Variants in SLCO3A1 observed in about 807,000 individuals in gnomAD.
The protein encoded by SLCO3A1 is PGE1 transporter.
In SLCO3A1, 27 loss-of-function variants were observed where a neutral mutation model predicts 63.1. That is an observed-to-expected ratio of 0.43 (90% CI 0.32 to 0.59). SLCO3A1 has a LOEUF of 0.59. Among genes scored for constraint, SLCO3A1 ranks in the 20% least tolerant of loss-of-function variants. The probability of loss-of-function intolerance (pLI) is 0.09; values close to 1 mark genes in which losing one functional copy is unlikely to be tolerated. For synonymous variants in SLCO3A1, 473 were observed against 409.9 expected (o/e 1.15, Z -1.86); for missense variants, 773 against 945.8 (o/e 0.82, Z 2.40).
At chr15:92,144,445 A>C (rs534664373) in intron 7 of SLCO3A1, among the ~76,000 whole-genome samples, 2 of 152,290 alleles carry the variant, frequency 1.3e-5, no homozygotes, top group South Asian at 2.1e-4. Flanking sequence ...TGTCTTCTAG[A>C]TTGATGATAG....
At chr15:91,926,879 G>T (rs1695053894) in intron 2 of SLCO3A1, among the ~76,000 whole-genome samples, 1 of 152,026 alleles carries the variant, frequency 6.6e-6, no homozygotes, top group Admixed American at 6.6e-5. Context: ...ATTGAATGAG[G>T]TTCATGACCC....
At chr15:91,891,283 A>G (rs928158858) in intron 1 of SLCO3A1, among the ~76,000 whole-genome samples, 2 of 152,214 alleles carry the variant, frequency 1.3e-5, no homozygotes, top group Non-Finnish European at 2.9e-5. Context: ...AGCTCCATTT[A>G]GGACTACCTT....
chr15:91,935,819 G>GT lies in SLCO3A1; in HGVS notation c.646+19370dup, dbSNP rs144229201. On this transcript the variant is annotated intron_variant, in intron 2 of 9. Transcript: ENST00000318445. ...TCTCACTGGGCCTCTTCTTGGAGTTGTTTTTTTTTCTGTTTAACCAATCTC... is the reference window on the plus strand; with the variant it reads ...TCTCACTGGGCCTCTTCTTGGAGTTGTTTTTTTTTTCTGTTTAACCAATCTC... 1.6e-3 allele frequency among the ~76,000 whole-genome samples: 239 copies of GT among 150,838 alleles called. 1 individual carries two copies. The highest frequency in any genetic ancestry group is 4.9e-3 in the African/African-American group (201 of 41,072).
chr15:91,930,152 T>G (rs1899173971), intron 2 of SLCO3A1, among the ~76,000 whole-genome samples: 2 of 152,212 alleles, frequency 1.3e-5, no homozygotes. Flanking sequence ...TCTCTCTTCC[T>G]GCATTTAAAA....
intron 2 of SLCO3A1, among the ~76,000 whole-genome samples, chr15:92,051,603 GTT>G (rs1264128575): frequency 1.3e-5 from 2 of 152,138 alleles, no homozygotes; most frequent in African/African-American, 2.4e-5. Flanking sequence ...AGGAGCTTCA[GTT>G]TGGAGTACGA....
At chr15:92,120,863 C>T (rs1596119070) in intron 5 of SLCO3A1, among the ~76,000 whole-genome samples, 1 of 152,070 alleles carries the variant, frequency 6.6e-6, no homozygotes, top group Non-Finnish European at 1.5e-5. Context: ...ATAAAATGTA[C>T]ATTTGAGAGG....
Position 91,853,930 on chromosome 15 carries a change from G to A in SLCO3A1, c.22G>A (p.Gly8Ser). 2 of 1,454,316 alleles carry A rather than the reference G, an allele frequency of 1.4e-6. No individual in the cohort carries two copies. The highest frequency in any genetic ancestry group is 1.8e-6 in the Non-Finnish European group (2 of 1,095,246). 90.1% of individuals were successfully genotyped at this position (1,454,316 alleles called of 1,614,324 possible). A position where few individuals can be genotyped will look rare whatever the true frequency, so the allele number is the denominator to read the frequency against. Residue 8 changes from glycine to serine, a missense_variant, in exon 1 of 10, where the codon GGT (glycine) becomes AGT (serine). Physicochemically the swap from Gly to Ser is moderately conservative, Grantham distance 56 (BLOSUM62 0). This residue lies in a region of SLCO3A1 where 69 missense variants were observed against 64.6 expected (regional missense o/e 1.07). Transcript: ENST00000318445. MQGKKPG[G>S]SSGGGRSGEL... Reference sequence around the variant, plus strand: ...AAGGATGCAGGGGAAGAAGCCGGGCGGTTCGTCGGGCGGCGGCCGGAGCGG... The same window carrying A: ...AAGGATGCAGGGGAAGAAGCCGGGCAGTTCGTCGGGCGGCGGCCGGAGCGG...
intron 2 of SLCO3A1, among the ~76,000 whole-genome samples, chr15:91,990,073 C>G (rs1470161141): frequency 6.6e-6 from 1 of 152,110 alleles, no homozygotes; most frequent in Admixed American, 6.6e-5. Context: ...CTTCGCATAC[C>G]ATAGATTTTT....
Position 92,172,094 on chromosome 15 carries a change from G to A in SLCO3A1, c.*232G>A, listed in dbSNP as rs148683712. Reference sequence around the variant, plus strand: ...GCTCTCAGAGTAGGCATCTTTCCTGGGTCTCTAAAGAGTCATGCTGACCTG... The same window carrying A: ...GCTCTCAGAGTAGGCATCTTTCCTGAGTCTCTAAAGAGTCATGCTGACCTG... On this transcript the variant is annotated 3_prime_UTR_variant, in exon 11 of 11. Coordinates refer to the SLCO3A1 transcript ENST00000424469. The A allele has an allele frequency of 2.3e-4, 108 of 473,754 alleles. 2 individuals carry two copies. The highest frequency in any genetic ancestry group is 1.8e-3 in the African/African-American group (94 of 51,222). The allele number at this position is 473,754 out of a possible 1,614,324, so 29.3% of individuals were successfully genotyped here.
At chr15:92,101,181 T>G (rs2047600687) in intron 3 of SLCO3A1, among the ~76,000 whole-genome samples, 1 of 152,056 alleles carries the variant, frequency 6.6e-6, no homozygotes, top group South Asian at 2.1e-4. Context: ...GGAGGGAGAT[T>G]TTTCACCAAA....
intron 1 of SLCO3A1, among the ~76,000 whole-genome samples, chr15:91,874,320 G>A (rs1897347284): frequency 6.6e-6 from 1 of 152,122 alleles, no homozygotes; most frequent in African/African-American, 2.4e-5. Flanking sequence ...CCTACATTAA[G>A]TATATTCACA....
intron 2 of SLCO3A1, among the ~76,000 whole-genome samples, chr15:91,985,707 T>C (rs1403055816): frequency 6.6e-6 from 1 of 152,188 alleles, no homozygotes; most frequent in Non-Finnish European, 1.5e-5. Flanking sequence ...CAGAGGGCCC[T>C]GCACTAGTGC....
chr15:91,957,651 T>C (rs1900288826), intron 2 of SLCO3A1, among the ~76,000 whole-genome samples: 2 of 152,316 alleles, frequency 1.3e-5, no homozygotes, highest in Non-Finnish European at 1.5e-5. Context: ...TTTGCTCAGA[T>C]ACTACCTTAT....
chr15:91,868,983 A>G (rs1040180857), intron 1 of SLCO3A1, among the ~76,000 whole-genome samples: 12 of 152,226 alleles, frequency 7.9e-5, no homozygotes, highest in African/African-American at 2.9e-4. Flanking sequence ...AAAAGTTTAT[A>G]TAAAAATGTT....
chr15:91,909,287 C>T (rs1022267057), intron 1 of SLCO3A1, among the ~76,000 whole-genome samples: 1 of 152,118 alleles, frequency 6.6e-6, no homozygotes, highest in African/African-American at 2.4e-5. Context: ...TGGCCTGCTG[C>T]CTGTTTTTGT....
intron 9 of SLCO3A1, among the ~76,000 whole-genome samples, chr15:92,156,883 C>A (rs1309504047): frequency 6.6e-6 from 1 of 152,140 alleles, no homozygotes; most frequent in Non-Finnish European, 1.5e-5. Flanking sequence ...CTTACAAAAG[C>A]CTTTCAGTTC....
chr15:92,036,160 T>C (rs894069364), intron 2 of SLCO3A1, among the ~76,000 whole-genome samples: 5 of 152,198 alleles, frequency 3.3e-5, no homozygotes, highest in Non-Finnish European at 7.3e-5. Flanking sequence ...TGTCTGACAA[T>C]CCTTCTAGCC....
chr15:92,138,413 C>T (rs1381512548), intron 7 of SLCO3A1, among the ~76,000 whole-genome samples: 2 of 109,104 alleles, frequency 1.8e-5, no homozygotes, highest in Admixed American at 1.0e-4. Context: ...TAGTGTGATG[C>T]CTCCAGCTTT....
chr15:91,918,510 G>T (rs965853083), intron 2 of SLCO3A1, among the ~76,000 whole-genome samples: 12 of 152,110 alleles, frequency 7.9e-5, no homozygotes, highest in African/African-American at 2.7e-4. Context: ...TGTGTTTATC[G>T]GGATCAGGAG....
Sources: allele counts gnomAD v4.1 joint callset (sites outside exome capture counted in the v4.1 genomes callset), GRCh38; gene constraint gnomAD v4.1.1; regional missense constraint gnomAD v4.1.1; transcripts MANE v1.5; gene names NCBI Gene and HGNC (gene_info 2026-07-23, HGNC 2026-07-21).